Variants in TRHDE observed in about 807,000 individuals in gnomAD.
TRHDE encodes the protein thyrotropin releasing hormone degrading enzyme.
TRHDE carries 72 observed loss-of-function variants against 125.7 expected under a neutral mutation model. The ratio of observed to expected loss-of-function variants is 0.57; its 90% CI spans 0.47 to 0.70. The LOEUF is 0.70. Ranked by LOEUF, TRHDE falls within the 30% of genes least tolerant of loss-of-function variation. TRHDE has a pLI of 0.00. For synonymous variants in TRHDE, 509 were observed against 509.1 expected (o/e 1.00, Z 0.00); for missense variants, 1,110 against 1,327.1 (o/e 0.84, Z 2.54).
At chr12:72,582,568 A>G in intron 12 of TRHDE, 1 of 985,342 alleles carries the variant, frequency 1.0e-6, no homozygotes, top group East Asian at 1.1e-4. Flanking sequence ...AAATAGTAGT[A>G]TAATGTGCCT....
chr12:72,149,716 G>A (rs1592459203), intron 2 of TRHDE, among the ~76,000 whole-genome samples: 1 of 151,858 alleles, frequency 6.6e-6, no homozygotes, highest in South Asian at 2.1e-4. Flanking sequence ...ATAAAAGAGA[G>A]CAATTGCTAA....
Position 72,565,512 on chromosome 12 carries a change from G to T in TRHDE, c.2042+2472G>T, listed in dbSNP as rs74739996. Among the ~76,000 whole-genome samples the T allele has an allele frequency of 5.2e-3, 795 of 152,162 alleles. 9 individuals carry two copies. The highest frequency in any genetic ancestry group is 0.017 in the African/African-American group (723 of 41,502). ...GGTACTTGGGAAGTTGTGAATTTGCGTAGCCTTTTTCATTATACAGTTAAT... is the reference window on the plus strand; with the variant it reads ...GGTACTTGGGAAGTTGTGAATTTGCTTAGCCTTTTTCATTATACAGTTAAT... On this transcript the variant is annotated intron_variant, in intron 9 of 18. Coordinates refer to ENST00000261180, the MANE Select transcript of TRHDE (RefSeq NM_013381.3).
At chr12:72,602,719 C>A (rs1872257508) in intron 12 of TRHDE, among the ~76,000 whole-genome samples, 1 of 152,292 alleles carries the variant, frequency 6.6e-6, no homozygotes, top group African/African-American at 2.4e-5. Flanking sequence ...AATCACACAG[C>A]TCTCCAGCAT....
At chr12:72,125,545 A>G (rs1017246042) in intron 2 of TRHDE, among the ~76,000 whole-genome samples, 1 of 152,180 alleles carries the variant, frequency 6.6e-6, no homozygotes, top group Admixed American at 6.5e-5. Context: ...TCCCTCCAAC[A>G]TACACTCCTA....
intron 2 of TRHDE, among the ~76,000 whole-genome samples, chr12:72,305,316 C>T (rs1868323847): frequency 6.6e-6 from 1 of 152,082 alleles, no homozygotes; most frequent in Admixed American, 6.5e-5. Flanking sequence ...ATTAATCCTC[C>T]CTGAAAAATG....
chr12:72,496,668 T>C (rs1020130459), intron 5 of TRHDE, among the ~76,000 whole-genome samples: 3 of 152,320 alleles, frequency 2.0e-5, no homozygotes, highest in Admixed American at 6.5e-5. Flanking sequence ...ATTCAGCCTG[T>C]AAGATAAAAC....
At chr12:72,517,484 G>A (rs1159860067) in intron 6 of TRHDE, among the ~76,000 whole-genome samples, 1 of 151,972 alleles carries the variant, frequency 6.6e-6, no homozygotes, top group Non-Finnish European at 1.5e-5. Flanking sequence ...TGGGATCGGT[G>A]GTGATATCCC....
At chr12:72,374,407 A>G (rs1452126963) in intron 2 of TRHDE, among the ~76,000 whole-genome samples, 1 of 151,792 alleles carries the variant, frequency 6.6e-6, no homozygotes, top group Non-Finnish European at 1.5e-5. Flanking sequence ...TGTCAGGTGG[A>G]CAGTTGAATT....
Position 72,455,726 on chromosome 12 carries a change from G to A in TRHDE, c.1316-14032G>A, listed in dbSNP as rs375736901. Among the ~76,000 whole-genome samples, 4 of 152,170 alleles carry A rather than the reference G, an allele frequency of 2.6e-5. No individual in the cohort carries two copies. In the East Asian group the frequency reaches 5.8e-4, roughly 22 times the overall value. Reference sequence around the variant, plus strand: ...GATGTTAGAAGTGTCAGAAATAAAAGTTAGAGGTATTGTATTTACTTAGCT... The same window carrying A: ...GATGTTAGAAGTGTCAGAAATAAAAATTAGAGGTATTGTATTTACTTAGCT... On this transcript the variant is annotated intron_variant, in intron 3 of 18. Transcript: ENST00000261180.
intron 3 of TRHDE, among the ~76,000 whole-genome samples, chr12:72,444,499 A>T (rs936533482): frequency 6.6e-6 from 1 of 151,772 alleles, no homozygotes; most frequent in Non-Finnish European, 1.5e-5. Context: ...AAGAGATGAT[A>T]GTTACCCTTA....
rs545876582 is a variant in TRHDE at position 72,519,108 on chromosome 12, C to A, written c.1722+19473C>A. Among the ~76,000 whole-genome samples the A allele has an allele frequency of 9.9e-5, 15 of 152,244 alleles. No homozygotes were observed. In the South Asian group the frequency reaches 3.1e-3, roughly 32 times the overall value. ...TTCCTTCATTTCAACTTTGGTGAATCTGACAATTATGTGTCTTGGAGTTGC... is the reference window on the plus strand; with the variant it reads ...TTCCTTCATTTCAACTTTGGTGAATATGACAATTATGTGTCTTGGAGTTGC... On this transcript the variant is annotated intron_variant, in intron 6 of 18. Coordinates refer to ENST00000261180, the MANE Select transcript of TRHDE (RefSeq NM_013381.3).
chr12:72,217,091 T>A (rs538884267), intron 2 of TRHDE, among the ~76,000 whole-genome samples: 2 of 152,138 alleles, frequency 1.3e-5, no homozygotes, highest in East Asian at 3.9e-4. Context: ...ATTGCTGTCC[T>A]AAGAAGAGAA....
At chr12:72,600,681 T>A (rs1935108361) in intron 12 of TRHDE, among the ~76,000 whole-genome samples, 1 of 152,048 alleles carries the variant, frequency 6.6e-6, no homozygotes, top group African/African-American at 2.4e-5. Flanking sequence ...TCATTTACCA[T>A]TTTGAAAATT....
chr12:72,322,398 C>T (rs1027047818), intron 2 of TRHDE, among the ~76,000 whole-genome samples: 1 of 151,986 alleles, frequency 6.6e-6, no homozygotes, highest in Non-Finnish European at 1.5e-5. Flanking sequence ...AGAAGGCTGC[C>T]ATATACTTTA....
Position 72,360,626 on chromosome 12 carries a change from ATG to A in TRHDE, c.1189-17367_1189-17366del, listed in dbSNP as rs538722493. ...GGGAAGCAGGGCTTGTACTGGTAAG[ATG>A]TAAATTGGTACAAGTCTTTTGAAGA... On this transcript the variant is annotated intron_variant, in intron 2 of 18. Coordinates refer to ENST00000261180, the MANE Select transcript of TRHDE (RefSeq NM_013381.3). 6.3e-4 allele frequency among the ~76,000 whole-genome samples: 96 copies of A among 151,778 alleles called. 1 individual carries two copies. The highest frequency in any genetic ancestry group is 1.3e-3 in the Non-Finnish European group (88 of 67,850).
intron 3 of TRHDE, among the ~76,000 whole-genome samples, chr12:72,439,203 C>A (rs772759506): frequency 6.6e-6 from 1 of 151,836 alleles, no homozygotes; most frequent in Admixed American, 6.6e-5. Context: ...GTTACTATAG[C>A]TTTATAGTAT....
chr12:72,372,589 G>A (rs942102518), intron 2 of TRHDE, among the ~76,000 whole-genome samples: 1 of 152,298 alleles, frequency 6.6e-6, no homozygotes, highest in Non-Finnish European at 1.5e-5. Flanking sequence ...AAGAGATCCA[G>A]TTTCAGCTTT....
At chr12:72,183,373 G>A (rs1220608585) in intron 2 of TRHDE, among the ~76,000 whole-genome samples, 1 of 152,176 alleles carries the variant, frequency 6.6e-6, no homozygotes, top group African/African-American at 2.4e-5. Context: ...GTGATAAGGA[G>A]CACTTAGTAA....
At chr12:72,453,836 A>G (rs1187552345) in intron 3 of TRHDE, among the ~76,000 whole-genome samples, 1 of 152,162 alleles carries the variant, frequency 6.6e-6, no homozygotes, top group African/African-American at 2.4e-5. Context: ...ACTGATTCAG[A>G]GGGTGTAAGC....
Sources: gnomAD v4.1 joint callset for allele counts (sites outside exome capture counted in the v4.1 genomes callset) on GRCh38, gnomAD v4.1.1 for gene constraint, MANE v1.5 for transcripts, NCBI Gene and HGNC (gene_info 2026-07-23, HGNC 2026-07-21) for gene names.